The following MBNL2 variants were observed in gnomAD, a reference collection of about 807,000 sequenced individuals.
MBNL2 encodes muscleblind like splicing regulator 2.
A neutral mutation model predicts 41.9 loss-of-function variants in MBNL2; 17 were observed. The observed-to-expected ratio is 0.41, with a 90% CI of 0.28 to 0.61. The LOEUF (loss-of-function observed/expected upper bound fraction) is 0.61, where lower values mean the gene tolerates loss of function less well. MBNL2 is among the 20% of genes least tolerant of loss of function. MBNL2 has a pLI of 0.35. For synonymous variants in MBNL2, 195 were observed against 182.9 expected, an observed-to-expected ratio of 1.07 and a Z score of -0.53; for missense variants, 336 against 505.6, an observed-to-expected ratio of 0.66 and a Z score of 3.22.
chr13:97,216,175 A>G, the MBNL2 span, among the ~76,000 whole-genome samples: 2 of 152,158 alleles, frequency 1.3e-5, no homozygotes, highest in African/African-American at 4.8e-5. Flanking sequence ...TGAAAATTAT[A>G]AAACCAATTT....
At chr13:97,307,881 A>T (rs1411568831) in intron 2 of MBNL2, among the ~76,000 whole-genome samples, 1 of 152,172 alleles carries the variant, frequency 6.6e-6, no homozygotes, top group Non-Finnish European at 1.5e-5. Context: ...CCCTCTTCAA[A>T]ATGTCCACAG....
chr13:97,203,468 C>T, the MBNL2 span, among the ~76,000 whole-genome samples: 1 of 152,200 alleles, frequency 6.6e-6, no homozygotes, highest in African/African-American at 2.4e-5. Context: ...ACGTCCATCC[C>T]CAACCCTCTG....
intron 2 of MBNL2, among the ~76,000 whole-genome samples, chr13:97,278,949 G>A (rs1002910691): frequency 6.6e-6 from 1 of 152,142 alleles, no homozygotes; most frequent in Non-Finnish European, 1.5e-5. Context: ...TCTTGACTTG[G>A]TTTCCTCATC....
chr13:97,391,167 G>A (rs1253466801), intron 8 of MBNL2, among the ~76,000 whole-genome samples, 155 bp from the exon 9 acceptor site: 1 of 152,122 alleles, frequency 6.6e-6, no homozygotes, highest in Non-Finnish European at 1.5e-5. Flanking sequence ...CAGCATGAAG[G>A]GCGGGTATTG....
rs777018340 is a variant in MBNL2 at position 97,276,214 on chromosome 13, C to T, written c.-22C>T. On this transcript the variant is annotated 5_prime_UTR_variant, in exon 2 of 9. Transcript: ENST00000679496. ...GATTTCATCATTTAACAGAAACAAA[C>T]AGCCCAAATTACTTTATCACCATGG... The T allele has an allele frequency of 6.3e-7, 1 of 1,595,730 alleles. No homozygotes were observed. Among genetic ancestry groups the T allele is most frequent in the East Asian group, 2.2e-5 (1 of 44,574 alleles).
At chr13:97,340,104 G>A (rs1273844685) in intron 3 of MBNL2, among the ~76,000 whole-genome samples, 1 of 152,192 alleles carries the variant, frequency 6.6e-6, no homozygotes, top group Non-Finnish European at 1.5e-5. Flanking sequence ...TCATGGATTT[G>A]AGAAGATTAA....
At position 97,346,067 on chromosome 13, in the gene MBNL2, T is replaced by C. The variant is rs986904936; in HGVS notation, c.541-737T>C. On this transcript the variant is annotated intron_variant, in intron 4 of 8. Transcript: ENST00000679496. The surrounding 1 kb of genome is among the most constrained non-coding windows in gnomAD (Gnocchi z 4.2). ...AATTGATAGATTTTAGATAGATCAG[T>C]AGATGATAGATGATGGATGGCTGGA... Among the ~76,000 whole-genome samples the C allele has an allele frequency of 6.6e-6, 1 of 152,084 alleles. No individual in the cohort carries two copies. The highest frequency in any genetic ancestry group is 1.5e-5 in the Non-Finnish European group (1 of 67,998).
At chr13:97,199,236 C>T in the MBNL2 span, among the ~76,000 whole-genome samples, 3 of 152,188 alleles carry the variant, frequency 2.0e-5, no homozygotes, top group Non-Finnish European at 2.9e-5. Flanking sequence ...TGTCTCTACT[C>T]TGGCATCACC....
At chr13:97,270,692 G>GC (rs2050771573) in intron 1 of MBNL2, among the ~76,000 whole-genome samples, 1 of 152,088 alleles carries the variant, frequency 6.6e-6, no homozygotes, top group Non-Finnish European at 1.5e-5. Flanking sequence ...TCTAACACAT[G>GC]CCCCTTCCTC....
At chr13:97,367,586 A>G (rs1309066648) in intron 8 of MBNL2, among the ~76,000 whole-genome samples, 1 of 152,148 alleles carries the variant, frequency 6.6e-6, no homozygotes, top group Non-Finnish European at 1.5e-5. Flanking sequence ...TCCACATTCA[A>G]GTGAATCCAC....
intron 1 of MBNL2, among the ~76,000 whole-genome samples, chr13:97,250,688 G>A (rs1213975116): frequency 6.6e-6 from 1 of 152,106 alleles, no homozygotes; most frequent in African/African-American, 2.4e-5. Flanking sequence ...AAGAAAAGAA[G>A]TCTGTCCAGG....
intron 1 of MBNL2, among the ~76,000 whole-genome samples, chr13:97,251,883 G>A (rs1385377724): frequency 1.8e-5 from 2 of 112,558 alleles, no homozygotes; most frequent in Non-Finnish European, 1.7e-5. Context: ...TCGCTCCGTC[G>A]CCCAGGCCGG....
the MBNL2 span, among the ~76,000 whole-genome samples, chr13:97,169,042 TC>T: frequency 1.3e-5 from 2 of 152,052 alleles, no homozygotes; most frequent in Non-Finnish European, 2.9e-5. Context: ...GGTCGTCTAC[TC>T]CCCCCTTTGT....
the MBNL2 span, among the ~76,000 whole-genome samples, chr13:97,146,184 G>A: frequency 6.8e-6 from 1 of 146,884 alleles, no homozygotes; most frequent in African/African-American, 2.6e-5. Flanking sequence ...TAATATTTTA[G>A]TAGAGATGGG....
intron 1 of MBNL2, among the ~76,000 whole-genome samples, chr13:97,267,244 G>A (rs2050004894): frequency 6.6e-6 from 1 of 152,216 alleles, no homozygotes; most frequent in Admixed American, 6.5e-5. Flanking sequence ...TAACTTAGCA[G>A]CTGCAAAAGA....
intron 1 of MBNL2, among the ~76,000 whole-genome samples, chr13:97,233,120 CT>C (rs1322000266): frequency 1.0e-5 from 1 of 95,734 alleles, no homozygotes; most frequent in Non-Finnish European, 2.1e-5. Flanking sequence ...GCTTCAGGCT[CT>C]TTTTCATATA....
At chr13:97,324,945 G>T (rs192725164) in intron 2 of MBNL2, among the ~76,000 whole-genome samples, 2 of 152,092 alleles carry the variant, frequency 1.3e-5, no homozygotes, top group African/African-American at 4.8e-5. Flanking sequence ...ATTAGATGGT[G>T]CCCACCCAGA....
chr13:97,368,511 CTTAGAGATCTT>C (rs1473138011), intron 8 of MBNL2, among the ~76,000 whole-genome samples: 5 of 151,984 alleles, frequency 3.3e-5, no homozygotes, highest in Non-Finnish European at 4.4e-5. Context: ...CTTTTGGGCA[CTTAGAGATCTT>C]TTTTAAGAAA....
chr13:97,221,057 AAGT>A (rs1256513547), upstream of MBNL2, among the ~76,000 whole-genome samples: 1 of 152,214 alleles, frequency 6.6e-6, no homozygotes. Context: ...TTATTGAAGA[AAGT>A]AGCCTAGAAA....
Sources: allele counts gnomAD v4.1 joint callset (sites outside exome capture counted in the v4.1 genomes callset), GRCh38; gene constraint gnomAD v4.1.1; non-coding constraint Gnocchi (gnomAD v3.1); transcripts MANE v1.5; gene names NCBI Gene and HGNC (gene_info 2026-07-23, HGNC 2026-07-21).